E2F3: variants seen among roughly 807,000 people sequenced by gnomAD.
E2F3 encodes the protein E2F transcription factor 3.
Under a neutral mutation model 44.4 loss-of-function variants are expected in E2F3, and 11 were observed. The ratio of observed to expected loss-of-function variants is 0.25; its 90% CI spans 0.16 to 0.41. E2F3 has a LOEUF of 0.41. Among genes scored for constraint, E2F3 ranks in the 10% least tolerant of loss-of-function variants. The pLI, the probability that E2F3 is intolerant of heterozygous loss-of-function variation, is 1.00. For synonymous variants in E2F3, 249 were observed against 253.0 expected, an observed-to-expected ratio of 0.98 and a Z score of 0.15; for missense variants, 487 against 583.6, an observed-to-expected ratio of 0.83 and a Z score of 1.70.
chr6:20,415,026 C>T (rs1391519560), intron 1 of E2F3, among the ~76,000 whole-genome samples: 1 of 152,228 alleles, frequency 6.6e-6, no homozygotes, highest in Non-Finnish European at 1.5e-5. Context: ...CTCCCCCCGC[C>T]ACTCCCCGTG....
chr6:20,452,349 T>A (rs890196391), intron 1 of E2F3: 1 of 152,226 alleles, frequency 6.6e-6, no homozygotes, highest in Non-Finnish European at 1.5e-5. Flanking sequence ...GCTTGCCCTT[T>A]CAGTGGACTA....
intron 1 of E2F3, among the ~76,000 whole-genome samples, chr6:20,447,541 C>CTT (rs113706367): frequency 0.016 from 2,376 of 144,220 alleles, 73 homozygotes; most frequent in African/African-American, 0.057. Flanking sequence ...TCTCAGCAAT[C>CTT]TTTTTTTTTT....
At chr6:20,447,263 A>G (rs1760977308) in intron 1 of E2F3, among the ~76,000 whole-genome samples, 1 of 152,082 alleles carries the variant, frequency 6.6e-6, no homozygotes, top group Non-Finnish European at 1.5e-5. Context: ...CTTTCTTGTG[A>G]ACTTTCTTGC....
intron 1 of E2F3, among the ~76,000 whole-genome samples, chr6:20,447,415 C>A: frequency 6.8e-6 from 1 of 147,992 alleles, no homozygotes; most frequent in African/African-American, 2.5e-5. Flanking sequence ...GACAACCCAC[C>A]CCCACCCCTC....
chr6:20,456,487 A>G (rs1431594893), intron 1 of E2F3, among the ~76,000 whole-genome samples: 1 of 152,214 alleles, frequency 6.6e-6, no homozygotes, highest in Non-Finnish European at 1.5e-5. Context: ...AATGTGATTC[A>G]AATAGTCCTG....
At chr6:20,462,913 G>C (rs1162029598) in intron 1 of E2F3, among the ~76,000 whole-genome samples, 23 of 93,412 alleles carry the variant, frequency 2.5e-4, no homozygotes, top group Non-Finnish European at 3.8e-4. Flanking sequence ...GGGTCTCACT[G>C]TATCACCCAG....
chr6:20,463,835 C>T (rs948153519), intron 1 of E2F3, among the ~76,000 whole-genome samples: 1 of 152,198 alleles, frequency 6.6e-6, no homozygotes, highest in Non-Finnish European at 1.5e-5. Context: ...CTGAGCCCCG[C>T]ACAACTGTCC....
At position 20,406,776 on chromosome 6, in the gene E2F3, T is replaced by C. The variant is rs146368128; in HGVS notation, c.393+4151T>C. On this transcript the variant is annotated intron_variant, in intron 1 of 6. Transcript: ENST00000346618. ...GCAGTTTATGCTTAGCGGCTTTTGT[T>C]AGACCTGAACTCTCAATCTTCACCA... 2.3e-3 allele frequency among the ~76,000 whole-genome samples: 350 copies of C among 152,332 alleles called. 1 individual carries two copies. Among genetic ancestry groups the C allele is most frequent in the African/African-American group, 8.1e-3 (337 of 41,566 alleles).
intron 1 of E2F3, among the ~76,000 whole-genome samples, chr6:20,462,813 G>GA (rs1443172893): frequency 6.8e-6 from 1 of 147,754 alleles, no homozygotes; most frequent in Non-Finnish European, 1.5e-5. Flanking sequence ...GGCAGGGCAG[G>GA]TCTCTCTATC....
rs1156309551 is a variant in E2F3 at position 20,479,863 on chromosome 6, G to A, written c.411G>A (p.Glu137=). The A allele has an allele frequency of 1.2e-6, 2 of 1,612,092 alleles. No individual in the cohort carries two copies. The highest frequency in any genetic ancestry group is 2.2e-5 in the East Asian group (1 of 44,862). The stretch of plus-strand genomic sequence containing the variant: ...TATTACAGGCAAAGCGAAGGCTGGA[G>A]CTAGGAGAAAGCGGTCATCAGTACC... ...GGGPPAKRRL[E]LGESGHQYLS... The change falls in exon 2 of 7, where the codon GAG becomes GAA. Residue 137 remains glutamate (E), a synonymous_variant. Coordinates refer to ENST00000346618, the MANE Select transcript of E2F3 (RefSeq NM_001949.5).
chr6:20,411,372 C>T (rs372433125), intron 1 of E2F3, among the ~76,000 whole-genome samples: 19 of 152,192 alleles, frequency 1.2e-4, no homozygotes, highest in African/African-American at 4.6e-4. Context: ...GGCAATGGAA[C>T]CTGCCTCTAG....
chr6:20,488,146 C>T lies in E2F3; in HGVS notation c.1033C>T (p.Pro345Ser), dbSNP rs1321986801. 1.2e-6 allele frequency: 2 copies of T among 1,614,130 alleles called. No homozygotes were observed. Among genetic ancestry groups the T allele is most frequent in the South Asian group, 2.2e-5 (2 of 91,080 alleles). ...AATACATTTGGCAAGTACCCAAGGG[C>T]CCATTGAGGTTTACTTATGTCCAGA... ...LQIHLASTQG[P>S]IEVYLCPEET... is the part of the protein sequence containing the mutation. The change falls in exon 6 of 7, where the codon CCC becomes TCC. Residue 345 changes from proline to serine, a missense_variant. Coordinates refer to ENST00000346618, the MANE Select transcript of E2F3 (RefSeq NM_001949.5).
chr6:20,433,637 G>A (rs942072272), intron 1 of E2F3, among the ~76,000 whole-genome samples: 6 of 151,400 alleles, frequency 4.0e-5, no homozygotes, highest in Admixed American at 1.3e-4. Context: ...TTTATTTCAC[G>A]CACTAACACA....
intron 1 of E2F3, among the ~76,000 whole-genome samples, chr6:20,432,317 G>A (rs542850373): frequency 1.1e-4 from 17 of 152,322 alleles, no homozygotes; most frequent in South Asian, 6.2e-4. Flanking sequence ...CATGGTGTTC[G>A]TTGGCCACCT....
rs762856110 is a variant in E2F3 at position 20,488,238 on chromosome 6, C to T, written c.1125C>T (p.Pro375=). 4.1e-5 allele frequency: 65 copies of T among 1,586,468 alleles called. No homozygotes were observed. The highest frequency in any genetic ancestry group is 5.3e-5 in the Non-Finnish European group (62 of 1,172,702). The change falls in exon 6 of 7, where the codon CCC becomes CCT. Residue 375 remains proline, a synonymous_variant. Coordinates refer to ENST00000346618, the MANE Select transcript of E2F3 (RefSeq NM_001949.5). ...ACCACAATGGGAATATCCCTAAACC[C>T]GCTTCCAAAGGTAAAAACTCCACTT... is the stretch of plus-strand genomic sequence containing the variant. ...NQDHNGNIPK[P]ASKDLASTNS... is the part of the protein sequence containing the mutation.
chr6:20,440,250 C>T (rs1168030045), intron 1 of E2F3: 1 of 152,216 alleles, frequency 6.6e-6, no homozygotes, highest in Non-Finnish European at 1.5e-5. Flanking sequence ...GCCACAGGTA[C>T]ATGACTTCCA....
intron 1 of E2F3, among the ~76,000 whole-genome samples, chr6:20,411,294 G>C (rs1759661982): frequency 6.6e-6 from 1 of 152,138 alleles, no homozygotes; most frequent in Admixed American, 6.5e-5. Flanking sequence ...GCTGGGCCCT[G>C]CCAGACTCGG....
chr6:20,408,577 T>A (rs1032878110), intron 1 of E2F3, among the ~76,000 whole-genome samples: 3 of 152,174 alleles, frequency 2.0e-5, no homozygotes, highest in Non-Finnish European at 4.4e-5. Context: ...TCCAATGCAA[T>A]GTAACTTTGA....
Position 20,402,188 on chromosome 6 carries a change from C to A in E2F3, c.-45C>A. 6.6e-7 allele frequency: 1 copy of A among 1,521,888 alleles called. No individual in the cohort carries two copies. The highest frequency in any genetic ancestry group is 2.3e-5 in the Admixed American group (1 of 42,750). The allele number at this position is 1,521,888 out of a possible 1,614,324, so 94.3% of individuals were successfully genotyped here. On this transcript the variant is annotated 5_prime_UTR_variant, in exon 1 of 7. Transcript: ENST00000346618. This position sits in a 1 kb window ranked among gnomAD's most constrained non-coding sequence, Gnocchi z 5.6. ...CTGCAAATAATAAAGAAATTGAAAA[C>A]AATACATTAATATACCATAACACTA...
Sources: allele counts gnomAD v4.1 joint callset (sites outside exome capture counted in the v4.1 genomes callset), GRCh38; gene constraint gnomAD v4.1.1; non-coding constraint Gnocchi (gnomAD v3.1); transcripts MANE v1.5; gene names NCBI Gene and HGNC (gene_info 2026-07-23, HGNC 2026-07-21).